Variants in CSMD1 observed in about 807,000 individuals in gnomAD.
The protein encoded by CSMD1 is CUB and Sushi multiple domains 1.
In CSMD1, 213 loss-of-function variants were observed where a neutral mutation model predicts 417.5. The observed-to-expected ratio is 0.51, with a 90% CI of 0.46 to 0.57. The LOEUF (loss-of-function observed/expected upper bound fraction) is 0.57. Ranked by LOEUF, CSMD1 falls within the 20% of genes least tolerant of loss-of-function variation. CSMD1 has a pLI of 0.00. For missense variants in CSMD1, 6,923 were observed against 4,529.7 expected, an observed-to-expected ratio of 1.53 and a Z score of -15.17; for synonymous variants, 2,862 against 1,736.8, an observed-to-expected ratio of 1.65 and a Z score of -16.11.
intron 5 of CSMD1, among the ~76,000 whole-genome samples, chr8:3,791,816 C>G (rs1439312817): frequency 6.8e-6 from 1 of 147,894 alleles, no homozygotes; most frequent in Admixed American, 6.8e-5. Context: ...GAATAAGACT[C>G]AGTATCAAAT....
chr8:3,197,278 A>T (rs1796753130), intron 33 of CSMD1, among the ~76,000 whole-genome samples: 1 of 151,992 alleles, frequency 6.6e-6, no homozygotes, highest in East Asian at 1.9e-4. Context: ...AACATTTTTC[A>T]CTGTAGACCC....
Position 4,126,557 on chromosome 8 carries a change from T to G in CSMD1, c.416-94458A>C, listed in dbSNP as rs148386607. Among the ~76,000 whole-genome samples, 6 of 152,228 alleles carry G rather than the reference T, an allele frequency of 3.9e-5. No individual in the cohort carries two copies. The East Asian group carries it at 1.2e-3, about 30-fold the overall frequency. ...CTGCAGGGAGGCCACTGATCCACAATTGTGGGATGGAGACTGGGGACGGGC... is the reference window on the plus strand; with the variant it reads ...CTGCAGGGAGGCCACTGATCCACAAGTGTGGGATGGAGACTGGGGACGGGC... On this transcript the variant is annotated intron_variant, in intron 3 of 69. Transcript: ENST00000635120.
At chr8:3,502,321 C>T (rs759702087) in intron 10 of CSMD1, among the ~76,000 whole-genome samples, 7 of 147,910 alleles carry the variant, frequency 4.7e-5, no homozygotes, top group Admixed American at 2.0e-4. Context: ...GCTGAGATCG[C>T]GCCACTGCAC....
intron 1 of CSMD1, among the ~76,000 whole-genome samples, chr8:4,710,461 A>C (rs1258222449): frequency 8.0e-6 from 1 of 124,940 alleles, no homozygotes; most frequent in Non-Finnish European, 1.7e-5. Context: ...ATATAATGGA[A>C]TATTATATAT....
At position 3,863,730 on chromosome 8, in the gene CSMD1, T is replaced by C. The variant is rs557322300; in HGVS notation, c.819-109688A>G. Among the ~76,000 whole-genome samples the C allele has an allele frequency of 1.3e-3, 192 of 152,368 alleles. 3 individuals carry two copies. The South Asian group carries it at 0.038, about 30-fold the overall frequency. ...CATACATGGTCTCTAATTCAGATTT[T>C]GTTTTCATTTCAAATGTTAAACTAC... On this transcript the variant is annotated intron_variant, in intron 5 of 69. Transcript: ENST00000635120.
intron 10 of CSMD1, among the ~76,000 whole-genome samples, chr8:3,549,222 G>A (rs1033535186): frequency 6.6e-6 from 1 of 152,196 alleles, no homozygotes; most frequent in South Asian, 2.1e-4. Flanking sequence ...CATAAGCATG[G>A]TTTCTATGTT....
intron 3 of CSMD1, among the ~76,000 whole-genome samples, chr8:4,033,383 G>A (rs373376981): frequency 2.6e-4 from 39 of 152,108 alleles, no homozygotes; most frequent in East Asian, 7.8e-4. Flanking sequence ...CGGAGCTTGC[G>A]GTGAGCCGAG....
intron 6 of CSMD1, among the ~76,000 whole-genome samples, chr8:3,725,707 A>T (rs1300560316): frequency 2.0e-5 from 3 of 151,986 alleles, no homozygotes; most frequent in Non-Finnish European, 4.4e-5. Context: ...CTGCAATGAG[A>T]GAGTAGGCAG....
chr8:4,397,358 G>A (rs1349262026), intron 3 of CSMD1, among the ~76,000 whole-genome samples: 1 of 152,048 alleles, frequency 6.6e-6, no homozygotes, highest in Non-Finnish European at 1.5e-5. Context: ...GAAAGAGGAA[G>A]TCGAAAAAGA....
intron 1 of CSMD1, among the ~76,000 whole-genome samples, chr8:4,819,465 T>C (rs982329292): frequency 1.2e-4 from 18 of 152,324 alleles, no homozygotes; most frequent in South Asian, 2.1e-4. Context: ...TATTGCCAAA[T>C]TGACATCCAA....
intron 49 of CSMD1, among the ~76,000 whole-genome samples, chr8:3,083,882 C>A (rs546014469): frequency 1.5e-3 from 230 of 151,644 alleles, no homozygotes; most frequent in Non-Finnish European, 2.9e-3. Flanking sequence ...CTGGCCTGAA[C>A]TCCTGTGTTC....
At chr8:4,781,990 A>C (rs1214595226) in intron 1 of CSMD1, among the ~76,000 whole-genome samples, 3 of 152,218 alleles carry the variant, frequency 2.0e-5, no homozygotes, top group African/African-American at 7.2e-5. Flanking sequence ...ATTTCTCCAG[A>C]GTTTCCACTC....
At chr8:4,363,124 A>T (rs140653073) in intron 3 of CSMD1, among the ~76,000 whole-genome samples, 36 of 152,340 alleles carry the variant, frequency 2.4e-4, no homozygotes, top group African/African-American at 7.9e-4. Flanking sequence ...AGACACTTTC[A>T]ACAGAGTAAA....
At position 2,954,944 on chromosome 8, in the gene CSMD1, G is replaced by C. The variant is rs1040432206; in HGVS notation, c.9994+645C>G. Among the ~76,000 whole-genome samples the C allele has an allele frequency of 2.0e-5, 3 of 152,238 alleles. No individual in the cohort carries two copies. The East Asian group carries it at 5.8e-4, about 29-fold the overall frequency. On this transcript the variant is annotated intron_variant, in intron 64 of 69. Transcript: ENST00000635120. ...ACTGTCTCACACGCCATCATTTTTG[G>C]TTTATGCTGTTTAGACTCCATGGAT...
At chr8:3,584,106 T>C (rs1411432139) in intron 9 of CSMD1, among the ~76,000 whole-genome samples, 1 of 152,202 alleles carries the variant, frequency 6.6e-6, no homozygotes, top group Non-Finnish European at 1.5e-5. Flanking sequence ...AATACATTTT[T>C]ACTTCTTACT....
In CSMD1 at chr8:3,418,096, C is replaced by G. The variant is rs561776919; in HGVS notation, c.1562-8491G>C. 2.0e-5 allele frequency among the ~76,000 whole-genome samples: 3 copies of G among 152,248 alleles called. No homozygotes were observed. In the East Asian group the frequency reaches 5.8e-4, roughly 29 times the overall value. ...AAATTCGGTTGTGTACATGAAATAC[C>G]ATGTTTGCTTTTCATACAAATGTGC... On this transcript the variant is annotated intron_variant, in intron 12 of 69. Coordinates refer to ENST00000635120, the MANE Select transcript of CSMD1 (RefSeq NM_033225.6).
At chr8:3,507,853 G>T (rs1366486408) in intron 10 of CSMD1, among the ~76,000 whole-genome samples, 1 of 151,942 alleles carries the variant, frequency 6.6e-6, no homozygotes, top group Non-Finnish European at 1.5e-5. Flanking sequence ...TGATGGGGTT[G>T]TTTGTTTTTT....
intron 1 of CSMD1, among the ~76,000 whole-genome samples, chr8:4,645,526 A>T (rs1023917030): frequency 1.4e-4 from 20 of 144,574 alleles, no homozygotes; most frequent in African/African-American, 5.1e-4. Flanking sequence ...AATTTGCTGC[A>T]TGGAGCATTA....
intron 2 of CSMD1, among the ~76,000 whole-genome samples, chr8:4,436,785 G>A (rs765439179): frequency 1.3e-5 from 2 of 152,194 alleles, no homozygotes; most frequent in East Asian, 3.9e-4. Flanking sequence ...CTCTTTCAGT[G>A]CCTACCTTAT....
Sources: allele counts gnomAD v4.1 joint callset (sites outside exome capture counted in the v4.1 genomes callset), GRCh38; gene constraint gnomAD v4.1.1; transcripts MANE v1.5; gene names NCBI Gene and HGNC (gene_info 2026-07-23, HGNC 2026-07-21).